SLC12A3: variants seen among roughly 807,000 people sequenced by gnomAD.
SLC12A3 encodes the protein solute carrier family 12 member 3.
SLC12A3 carries 104 observed loss-of-function variants against 121.0 expected under a neutral mutation model. The observed-to-expected ratio is 0.86, with a 90% CI of 0.73 to 1.01. The LOEUF (loss-of-function observed/expected upper bound fraction) is 1.01, where lower values mean the gene tolerates loss of function less well. Ranked by LOEUF, SLC12A3 falls within the 50% of genes least tolerant of loss-of-function variation. The pLI is 0.00. For missense variants in SLC12A3, 1,328 were observed against 1,356.3 expected, an observed-to-expected ratio of 0.98 and a Z score of 0.33; for synonymous variants, 536 against 533.4, an observed-to-expected ratio of 1.00 and a Z score of -0.07.
intron 22 of SLC12A3, among the ~76,000 whole-genome samples, chr16:56,896,399 T>C (rs1196503003): frequency 6.6e-6 from 1 of 152,172 alleles, no homozygotes; most frequent in Non-Finnish European, 1.5e-5. Flanking sequence ...TTTATCGACA[T>C]GGGTTTTATT....
intron 22 of SLC12A3, 43 bp downstream of exon 22, chr16:56,894,685 TG>T (rs779305182): frequency 6.8e-7 from 1 of 1,466,220 alleles, no homozygotes; most frequent in East Asian, 2.3e-5. Context: ...CAGGGACCAG[TG>T]TCATCTTAGC....
At position 56,865,400 on chromosome 16, in the gene SLC12A3, C is replaced by T. The variant is rs1411056528; in HGVS notation, c.165C>T (p.Thr55=). The stretch of plus-strand genomic sequence containing the variant: ...ACAGCAGCACCTTCTGCATGCGCAC[C>T]TTTGGCTACAACACGATCGATGTGG... ...LTHSSTFCMR[T]FGYNTIDVVP... Residue 55 remains threonine, a synonymous_variant, in exon 1 of 26, where the codon ACC becomes ACT. Coordinates refer to ENST00000563236, the MANE Select transcript of SLC12A3 (RefSeq NM_001126108.2). The T allele has an allele frequency of 4.3e-6, 7 of 1,614,112 alleles. No homozygotes were observed. In the Admixed American group the frequency reaches 1.2e-4, roughly 27 times the overall value.
In SLC12A3 at chr16:56,890,358, T is replaced by G. The variant is rs2055372349; in HGVS notation, c.2368+2T>G. 1 of 1,613,238 alleles carries G rather than the reference T, an allele frequency of 6.2e-7. No homozygotes were observed. Among genetic ancestry groups the G allele is most frequent in the Non-Finnish European group, 8.5e-7 (1 of 1,179,208 alleles). On this transcript the variant is annotated splice_donor_variant, in intron 19 of 25. Transcript: ENST00000563236. LOFTEE classifies it high-confidence loss of function. The stretch of plus-strand genomic sequence containing the variant: ...TGTCCAAGATGATGCAGGCGCACAG[T>G]GAGTACATGCCCCACCCACTCCCAG...
intron 8 of SLC12A3, among the ~76,000 whole-genome samples, chr16:56,873,568 A>G (rs1293592635): frequency 2.0e-5 from 3 of 149,462 alleles, no homozygotes; most frequent in African/African-American, 4.9e-5. Flanking sequence ...TGTATTTTTT[A>G]GTAGAGATGG....
chr16:56,890,346 G>A lies in SLC12A3; in HGVS notation c.2358G>A (p.Met786Ile). The change falls in exon 19 of 26, where the codon ATG (methionine) becomes ATA (isoleucine). Residue 786 changes from methionine to isoleucine, a missense_variant. Transcript: ENST00000563236. ...MREGLNVSKMMQAHINPVFDP... is the reference protein window; with the variant it reads ...MREGLNVSKMIQAHINPVFDP... ...AGGGACTCAACGTGTCCAAGATGATGCAGGCGCACAGTGAGTACATGCCCC... is the reference window on the plus strand; with the variant it reads ...AGGGACTCAACGTGTCCAAGATGATACAGGCGCACAGTGAGTACATGCCCC... The A allele has an allele frequency of 1.2e-6, 2 of 1,614,042 alleles. No homozygotes were observed. Among genetic ancestry groups the A allele is most frequent in the Non-Finnish European group, 1.7e-6 (2 of 1,179,882 alleles).
At position 56,904,415 on chromosome 16, in the gene SLC12A3, G is replaced by T; in HGVS notation, c.2877G>T (p.Leu959=). 1 of 1,614,056 alleles carries T rather than the reference G, an allele frequency of 6.2e-7. No homozygotes were observed. The highest frequency in any genetic ancestry group is 8.5e-7 in the Non-Finnish European group (1 of 1,179,896). ...CCCAGTCCCTTCGGCAGGTGAGGCT[G>T]AATGAGATTGTGCTGGATTACTCCC... ...NRVKSLRQVR[L]NEIVLDYSRD... The change falls in exon 25 of 26, where the codon CTG becomes CTT. Residue 959 remains leucine (L), a synonymous_variant. Transcript: ENST00000563236.
Position 56,887,100 on chromosome 16 carries a change from T to G in SLC12A3, c.2178+7T>G, listed in dbSNP as rs2144730457. 1.9e-6 allele frequency: 3 copies of G among 1,613,844 alleles called. No homozygotes were observed. The highest frequency in any genetic ancestry group is 2.5e-6 in the Non-Finnish European group (3 of 1,180,024). On this transcript the variant is annotated splice_region_variant and intron_variant, in intron 17 of 25. Coordinates refer to ENST00000563236, the MANE Select transcript of SLC12A3 (RefSeq NM_001126108.2). ...CGTCCAGATCCTCATGCAGGTGCCA[T>G]GGACTGGGGGCTCCCCTACAGGACT...
chr16:56,887,796 ATATT>A (rs1270226573), intron 17 of SLC12A3, 125 bp from the exon 18 acceptor site: 48 of 87,136 alleles, frequency 5.5e-4, no homozygotes, highest in Middle Eastern at 5.8e-3. Flanking sequence ...ATATATATAT[ATATT>A]TTTTTTTTTT....
chr16:56,874,591 G>A (rs769293251), intron 8 of SLC12A3, among the ~76,000 whole-genome samples: 5 of 152,280 alleles, frequency 3.3e-5, no homozygotes, highest in Non-Finnish European at 5.9e-5. Flanking sequence ...ACTTGAGGTC[G>A]GGAGTTCGAG....
In SLC12A3 at chr16:56,879,990, T is replaced by C. The variant is rs569013679; in HGVS notation, c.1444-140T>C. On this transcript the variant is annotated intron_variant, in intron 11 of 25. Coordinates refer to ENST00000563236, the MANE Select transcript of SLC12A3 (RefSeq NM_001126108.2). ...GGAGGGTGGAGGGGGTGAGCATCCC[T>C]GTTTAATAGAAACAGACACCAGGAC... 6 of 1,019,902 alleles carry C rather than the reference T, an allele frequency of 5.9e-6. No individual in the cohort carries two copies. In the East Asian group the frequency reaches 1.5e-4, roughly 26 times the overall value. 63.2% of individuals were successfully genotyped at this position (1,019,902 alleles called of 1,614,324 possible).
Position 56,887,132 on chromosome 16 carries a change from TTGG to T in SLC12A3, c.2178+43_2178+45del, listed in dbSNP as rs746491962. 25 of 1,613,328 alleles carry T rather than the reference TTGG, an allele frequency of 1.5e-5. No individual in the cohort carries two copies. The African/African-American group carries it at 2.7e-4, about 17-fold the overall frequency. ...GGGGCTCCCCTACAGGACTTACGGC[TTGG>T]TGGCACAACCTGGAAGGCAGAAAGT... is the stretch of plus-strand genomic sequence containing the variant. On this transcript the variant is annotated intron_variant, in intron 17 of 25. Transcript: ENST00000563236.
At chr16:56,869,238 ACGAG>A (rs1964432583) in intron 3 of SLC12A3, among the ~76,000 whole-genome samples, 1 of 152,182 alleles carries the variant, frequency 6.6e-6, no homozygotes, top group Non-Finnish European at 1.5e-5. Flanking sequence ...TTATTATTAA[ACGAG>A]GGTAGCTTCC....
intron 8 of SLC12A3, among the ~76,000 whole-genome samples, chr16:56,874,819 C>T (rs185334549): frequency 9.2e-5 from 14 of 151,936 alleles, no homozygotes; most frequent in East Asian, 3.9e-4. Context: ...CTCACCCCCC[C>T]GCAAAAAAAA....
At chr16:56,881,447 G>A (rs28437122) in intron 12 of SLC12A3, among the ~76,000 whole-genome samples, 1 of 152,228 alleles carries the variant, frequency 6.6e-6, no homozygotes, top group South Asian at 2.1e-4. Flanking sequence ...TTTCATCTGG[G>A]GGGGGGTCTG....
At chr16:56,902,058 G>A (rs1005552881) in intron 23 of SLC12A3, among the ~76,000 whole-genome samples, 1 of 152,168 alleles carries the variant, frequency 6.6e-6, no homozygotes, top group Non-Finnish European at 1.5e-5. Flanking sequence ...GTGAGGACTG[G>A]GGACACAATC....
At chr16:56,904,171 G>A (rs745534575) in intron 24 of SLC12A3, 23 of 517,442 alleles carry the variant, frequency 4.4e-5, no homozygotes, top group Non-Finnish European at 7.2e-5. Context: ...GTCAGGCAAG[G>A]AAAAGCCACA....
At chr16:56,906,873 A>C (rs751297909) in intron 25 of SLC12A3, 13 of 598,554 alleles carry the variant, frequency 2.2e-5, no homozygotes, top group Non-Finnish European at 3.8e-5. Flanking sequence ...CAAGAACAGA[A>C]TGAAGGAAGT....
intron 8 of SLC12A3, 91 bp downstream of exon 8, chr16:56,872,877 G>T: frequency 6.6e-7 from 1 of 1,525,978 alleles, no homozygotes; most frequent in South Asian, 1.1e-5. Flanking sequence ...ATCTGCCGCT[G>T]ACCTGGGAGG....
At chr16:56,904,545 C>A in intron 25 of SLC12A3, 83 bp downstream of exon 25, 1 of 1,306,226 alleles carries the variant, frequency 7.7e-7, no homozygotes, top group Non-Finnish European at 1.1e-6. Flanking sequence ...GCAGGGGCAC[C>A]ACGGAGGGCC....
Sources: gnomAD v4.1 joint callset for allele counts (sites outside exome capture counted in the v4.1 genomes callset) on GRCh38, gnomAD v4.1.1 for gene constraint, MANE v1.5 for transcripts, NCBI Gene and HGNC (gene_info 2026-07-23, HGNC 2026-07-21) for gene names.